The following FER variants were observed in gnomAD, a reference collection of about 807,000 sequenced individuals.
FER encodes tyrosine-protein kinase Fer.
A neutral mutation model predicts 111.0 loss-of-function variants in FER; 63 were observed. The observed-to-expected ratio is 0.57, with a 90% CI of 0.46 to 0.70. The LOEUF (loss-of-function observed/expected upper bound fraction) is 0.70. FER is among the 30% of genes least tolerant of loss of function. FER has a pLI of 0.00. For missense variants in FER, 914 were observed against 954.0 expected (o/e 0.96, Z 0.55); for synonymous variants, 327 against 313.9 (o/e 1.04, Z -0.44).
At chr5:109,122,273 A>T (rs1232344236) in intron 17 of FER, among the ~76,000 whole-genome samples, 1 of 152,042 alleles carries the variant, frequency 6.6e-6, no homozygotes, top group Non-Finnish European at 1.5e-5. Flanking sequence ...TTGTGTTTCC[A>T]TATCAATTGT....
rs554013081 is a variant in FER at position 108,859,219 on chromosome 5, T to C, written c.482-8548T>C. Among the ~76,000 whole-genome samples, 5 of 152,288 alleles carry C rather than the reference T, an allele frequency of 3.3e-5. No homozygotes were observed. The East Asian group carries it at 9.7e-4, about 29-fold the overall frequency. Reference sequence around the variant, plus strand: ...TTCCTCTTTTCTTTAACTCTTACATTGCTGTCACTGCTGTGATCTACCACT... The same window carrying C: ...TTCCTCTTTTCTTTAACTCTTACATCGCTGTCACTGCTGTGATCTACCACT... On this transcript the variant is annotated intron_variant, in intron 5 of 19. Transcript: ENST00000281092.
Position 108,832,682 on chromosome 5 carries a change from C to G in FER, c.208-88C>G, listed in dbSNP as rs1269961577. ...TATTAATGTAATAATTTACATAAAA[C>G]TAAATATTTAAAGTTTTGAACTCTT... On this transcript the variant is annotated intron_variant, in intron 3 of 19. Transcript: ENST00000281092. The G allele has an allele frequency of 2.6e-4, 235 of 903,242 alleles. 1 individual carries two copies. The East Asian group carries it at 7.5e-3, about 29-fold the overall frequency. The allele number at this position is 903,242 out of a possible 1,614,324, so 56.0% of individuals were successfully genotyped here. A position where few individuals can be genotyped will look rare whatever the true frequency, so the allele number is the denominator to read the frequency against.
At chr5:109,058,985 C>T (rs1290445985) in intron 16 of FER, among the ~76,000 whole-genome samples, 2 of 151,788 alleles carry the variant, frequency 1.3e-5, no homozygotes, top group Non-Finnish European at 2.9e-5. Context: ...GGTAATACAC[C>T]CACCTCAGCC....
chr5:108,886,398 A>C (rs531577234), intron 9 of FER, among the ~76,000 whole-genome samples: 106 of 148,602 alleles, frequency 7.1e-4, no homozygotes, highest in African/African-American at 2.4e-3. Context: ...ATTTATATAT[A>C]TATATTATAA....
chr5:108,871,428 C>T lies in FER; in HGVS notation c.729C>T (p.Val243=). 1 of 1,611,248 alleles carries T rather than the reference C, an allele frequency of 6.2e-7. No homozygotes were observed. The highest frequency in any genetic ancestry group is 1.7e-5 in the Admixed American group (1 of 59,940). ...TTGTCACAGAGGAAATAGTGAATGT[C>T]CATAAAGAGATTCAAATGTCGGTTG... ...TSLVTEEIVN[V]HKEIQMSVEQ... The change falls in exon 7 of 20, where the codon GTC becomes GTT. Residue 243 remains valine (V), a synonymous_variant. Coordinates refer to ENST00000281092, the MANE Select transcript of FER (RefSeq NM_005246.4).
intron 3 of FER, among the ~76,000 whole-genome samples, chr5:108,817,710 A>G (rs1185060470): frequency 6.6e-6 from 1 of 152,230 alleles, no homozygotes; most frequent in African/African-American, 2.4e-5. Context: ...ATACCTGTTT[A>G]TGGAATACTG....
At chr5:108,899,363 A>G (rs928070075) in intron 10 of FER, among the ~76,000 whole-genome samples, 1 of 152,152 alleles carries the variant, frequency 6.6e-6, no homozygotes. Flanking sequence ...CTTGATAAGT[A>G]TCTGGCATAT....
intron 18 of FER, among the ~76,000 whole-genome samples, chr5:109,183,044 G>A (rs1296701725): frequency 6.6e-6 from 1 of 152,098 alleles, no homozygotes; most frequent in Non-Finnish European, 1.5e-5. Context: ...GACTTTTTTA[G>A]TAGACTTTAG....
intron 3 of FER, among the ~76,000 whole-genome samples, chr5:108,800,384 T>A (rs1025092774): frequency 2.0e-5 from 3 of 152,130 alleles, no homozygotes; most frequent in African/African-American, 7.2e-5. Flanking sequence ...AGGATCTTGC[T>A]CTGGCATCCA....
At chr5:109,141,758 C>G (rs1432713226) in intron 17 of FER, among the ~76,000 whole-genome samples, 4 of 152,182 alleles carry the variant, frequency 2.6e-5, no homozygotes, top group Non-Finnish European at 4.4e-5. Context: ...AGTTACACAG[C>G]CATGCCTGCA....
chr5:108,753,777 C>T (rs1750764947), intron 1 of FER, among the ~76,000 whole-genome samples: 1 of 152,090 alleles, frequency 6.6e-6, no homozygotes, highest in African/African-American at 2.4e-5. Flanking sequence ...GGTTCTAATT[C>T]TTAAAGAACA....
chr5:109,037,376 T>G, intron 13 of FER, 46 bp from the exon 14 acceptor site: 1 of 1,529,772 alleles, frequency 6.5e-7, no homozygotes, highest in South Asian at 1.1e-5. Flanking sequence ...CTTCAAGAAG[T>G]GTACCCTTGC....
chr5:108,985,900 G>A (rs1762516749), intron 13 of FER, among the ~76,000 whole-genome samples: 1 of 152,274 alleles, frequency 6.6e-6, no homozygotes, highest in Non-Finnish European at 1.5e-5. Flanking sequence ...GTAGACATGT[G>A]TATGCAAATA....
intron 18 of FER, among the ~76,000 whole-genome samples, chr5:109,181,245 A>G (rs1338808656): frequency 6.6e-6 from 1 of 152,170 alleles, no homozygotes; most frequent in Non-Finnish European, 1.5e-5. Flanking sequence ...AATTGGTCCA[A>G]TAACCTCATC....
intron 18 of FER, among the ~76,000 whole-genome samples, chr5:109,181,582 A>G (rs1217837344): frequency 6.6e-6 from 1 of 152,218 alleles, no homozygotes; most frequent in Non-Finnish European, 1.5e-5. Flanking sequence ...GAAGCAGCAT[A>G]TGAGCCATGG....
At chr5:108,817,776 A>G (rs999024708) in intron 3 of FER, among the ~76,000 whole-genome samples, 2 of 152,194 alleles carry the variant, frequency 1.3e-5, no homozygotes, top group Admixed American at 1.3e-4. Flanking sequence ...AAGGACTAAT[A>G]TGCATTTCTA....
intron 16 of FER, among the ~76,000 whole-genome samples, chr5:109,074,402 T>C (rs1352803176): frequency 6.6e-6 from 1 of 152,212 alleles, no homozygotes; most frequent in East Asian, 1.9e-4. Context: ...GCAGGATTGC[T>C]AGAGTTGGGT....
At chr5:108,984,052 A>T (rs1762304017) in intron 13 of FER, among the ~76,000 whole-genome samples, 1 of 152,112 alleles carries the variant, frequency 6.6e-6, no homozygotes, top group Non-Finnish European at 1.5e-5. Context: ...ACTCTTCTTG[A>T]AATGTATACT....
intron 17 of FER, among the ~76,000 whole-genome samples, chr5:109,104,405 A>C (rs1276150042): frequency 6.6e-6 from 1 of 152,212 alleles, no homozygotes; most frequent in Admixed American, 6.5e-5. Context: ...ATTTTGTGAT[A>C]AAATCTACAG....
Sources: gnomAD v4.1 joint callset for allele counts (sites outside exome capture counted in the v4.1 genomes callset) on GRCh38, gnomAD v4.1.1 for gene constraint, MANE v1.5 for transcripts, NCBI Gene and HGNC (gene_info 2026-07-23, HGNC 2026-07-21) for gene names.